LPO: variants seen among roughly 807,000 people sequenced by gnomAD.
LPO encodes lactoperoxidase.
Under a neutral mutation model 68.4 loss-of-function variants are expected in LPO, and 70 were observed. That is an observed-to-expected ratio of 1.02 (90% confidence interval 0.84 to 1.25). LPO has a LOEUF of 1.25. Among genes scored for constraint, LPO ranks in the 50% most tolerant of loss-of-function variants. LPO has a pLI of 0.00. For missense variants in LPO, 873 were observed against 908.4 expected (o/e 0.96, Z 0.50); for synonymous variants, 360 against 357.6 (o/e 1.01, Z -0.08).
chr17:58,242,661 A>G (rs1362048213), intron 1 of LPO, among the ~76,000 whole-genome samples: 3 of 152,196 alleles, frequency 2.0e-5, no homozygotes, highest in Non-Finnish European at 4.4e-5. Context: ...ATAGCAAGCC[A>G]GGACCCCAGA....
At chr17:58,245,761 A>T (rs1249765868) in intron 3 of LPO, among the ~76,000 whole-genome samples, 1 of 152,170 alleles carries the variant, frequency 6.6e-6, no homozygotes, top group Non-Finnish European at 1.5e-5. Context: ...GGACGTGCCC[A>T]GTATTTCTGC....
At chr17:58,243,135 T>C in intron 2 of LPO, 80 bp downstream of exon 2, 1 of 1,380,336 alleles carries the variant, frequency 7.2e-7, no homozygotes, top group Admixed American at 1.7e-5. Flanking sequence ...AACAGAAATG[T>C]ATTCTCTCAC....
rs750715065 is a variant in LPO, at chr17:58,267,754, G to A, written c.1932-33G>A. 6 of 1,600,876 alleles carry A rather than the reference G, an allele frequency of 3.7e-6. No homozygotes were observed. The East Asian group carries it at 8.9e-5, about 24-fold the overall frequency. Reference sequence around the variant, plus strand: ...CAGAGTGGGGAGGGGCCAGCGGCCAGACTGTGGAGTGACTCTACTTCTGTC... The same window carrying A: ...CAGAGTGGGGAGGGGCCAGCGGCCAAACTGTGGAGTGACTCTACTTCTGTC... On this transcript the variant is annotated intron_variant, in intron 12 of 12. Transcript: ENST00000262290.
chr17:58,251,598 G>T lies in LPO; in HGVS notation c.781-584G>T, dbSNP rs183543104. ...CATTTCTTCACTCAAAGAATAAATC[G>T]AGGCTATGTGCTGTGGTATAAAGAG... On this transcript the variant is annotated intron_variant, in intron 7 of 12. Transcript: ENST00000262290. 6.5e-3 allele frequency: 1,637 copies of T among 252,672 alleles called. 10 individuals are homozygous for T. The highest frequency in any genetic ancestry group is 8.9e-3 in the Non-Finnish European group (1,118 of 125,246). 15.7% of individuals were successfully genotyped at this position (252,672 alleles called of 1,614,324 possible).
At position 58,268,502 on chromosome 17, in the gene LPO, TAG is replaced by T. The variant is rs1970319956; in HGVS notation, c.*510_*511del. On this transcript the variant is annotated 3_prime_UTR_variant, in exon 13 of 13. Coordinates refer to ENST00000262290, the MANE Select transcript of LPO (RefSeq NM_006151.3). The stretch of plus-strand genomic sequence containing the variant: ...TCGGAATCACTGCCAAATAAGTAAC[TAG>T]ACGTTTACAGGCCATACATGTCTTA... 6.3e-6 allele frequency: 1 copy of T among 157,930 alleles called. No homozygotes were observed. Among genetic ancestry groups the T allele is most frequent in the Non-Finnish European group, 1.4e-5 (1 of 71,822 alleles). 9.8% of individuals were successfully genotyped at this position (157,930 alleles called of 1,614,324 possible). A position where few individuals can be genotyped will look rare whatever the true frequency, so the allele number is the denominator to read the frequency against.
At chr17:58,245,931 C>T (rs1231032947) in intron 3 of LPO, among the ~76,000 whole-genome samples, 1 of 152,230 alleles carries the variant, frequency 6.6e-6, no homozygotes, top group Admixed American at 6.5e-5. Context: ...TGTGGAGGAG[C>T]CCTTCCCTGC....
At chr17:58,252,039 G>T (rs2143910692) in intron 7 of LPO, 143 bp from the exon 8 acceptor site, 1 of 775,156 alleles carries the variant, frequency 1.3e-6, no homozygotes. Flanking sequence ...ATGTCAGCAA[G>T]AAGTGTCTGG....
rs1598019650 is a variant in LPO at position 58,244,276 on chromosome 17, TA to T, written c.164+198del. The stretch of plus-strand genomic sequence containing the variant: ...AGTAGGAGCAATAGCCCACAATTCC[TA>T]AAGTCCTCAGCCTGTACATCACCTG... On this transcript the variant is annotated intron_variant, in intron 3 of 12. Transcript: ENST00000262290. 8.3e-6 allele frequency: 5 copies of T among 603,506 alleles called. No homozygotes were observed. In the East Asian group the frequency reaches 1.4e-4, roughly 17 times the overall value. 37.4% of individuals were successfully genotyped at this position (603,506 alleles called of 1,614,324 possible).
chr17:58,266,333 G>A lies in LPO; in HGVS notation c.1693+7G>A, dbSNP rs200841520. ...CGGGACCATGGGCAACCTGGTGAGTGTCTGAAGTCTGGCCTGCACTGGGGA... is the reference window on the plus strand; with the variant it reads ...CGGGACCATGGGCAACCTGGTGAGTATCTGAAGTCTGGCCTGCACTGGGGA... On this transcript the variant is annotated splice_region_variant and intron_variant, in intron 11 of 12. Transcript: ENST00000262290. 1.7e-5 allele frequency: 28 copies of A among 1,613,560 alleles called. No homozygotes were observed. The highest frequency in any genetic ancestry group is 2.3e-5 in the Non-Finnish European group (27 of 1,179,950).
intron 9 of LPO, among the ~76,000 whole-genome samples, chr17:58,260,634 A>C (rs942223379): frequency 2.1e-4 from 32 of 152,172 alleles, no homozygotes; most frequent in Admixed American, 6.5e-5. Flanking sequence ...TTCTGCATCA[A>C]TTGATAGGAT....
chr17:58,264,753 T>C lies in LPO; in HGVS notation c.1298T>C (p.Leu433Ser), dbSNP rs772943355. ...IITFRDYLPI[L>S]LGDHMQKWIP... ...ACCTTTAGGGACTACCTACCCATTT[T>C]GCTAGGTGACCACATGCAGAAGTGG... The change falls in exon 10 of 13, where the codon TTG becomes TCG. Residue 433 changes from leucine (L) to serine (S), a missense_variant. By Grantham distance (145) the Leu-to-Ser change is moderately radical (BLOSUM62 -2). Coordinates refer to ENST00000262290, the MANE Select transcript of LPO (RefSeq NM_006151.3). 1.1e-5 allele frequency: 17 copies of C among 1,614,080 alleles called. No homozygotes were observed. In the African/African-American group the frequency reaches 1.6e-4, roughly 15 times the overall value.
intron 3 of LPO, 28 bp from the exon 4 acceptor site, chr17:58,247,450 C>A (rs1969871870): frequency 6.2e-7 from 1 of 1,604,890 alleles, no homozygotes; most frequent in Non-Finnish European, 8.5e-7. Flanking sequence ...AGGGTCCAGG[C>A]CATGATCCCC....
chr17:58,251,073 G>A (rs1293446547), intron 7 of LPO: 2 of 171,980 alleles, frequency 1.2e-5, no homozygotes, highest in South Asian at 1.3e-4. Context: ...GAGGTCAAGA[G>A]TTTGAGACCA....
chr17:58,246,067 C>G (rs575837244), intron 3 of LPO, among the ~76,000 whole-genome samples: 1 of 152,164 alleles, frequency 6.6e-6, no homozygotes, highest in Non-Finnish European at 1.5e-5. Flanking sequence ...AGGAAATAAA[C>G]AGGGCAAGGG....
intron 11 of LPO, 108 bp from the exon 12 acceptor site, chr17:58,267,241 G>A: frequency 1.3e-6 from 1 of 786,128 alleles, no homozygotes; most frequent in Middle Eastern, 2.7e-4. Context: ...CCCAAAGGCT[G>A]TAAGCCCAGA....
At chr17:58,253,167 C>T (rs1969997748) in intron 8 of LPO, among the ~76,000 whole-genome samples, 1 of 151,694 alleles carries the variant, frequency 6.6e-6, no homozygotes, top group Non-Finnish European at 1.5e-5. Flanking sequence ...AGATACAGTT[C>T]TACATTGTTT....
chr17:58,268,106 T>C lies in LPO; in HGVS notation c.*112T>C. 1.8e-6 allele frequency: 2 copies of C among 1,141,132 alleles called. No homozygotes were observed. Among genetic ancestry groups the C allele is most frequent in the Non-Finnish European group, 2.5e-6 (2 of 799,094 alleles). The allele number at this position is 1,141,132 out of a possible 1,614,324, so 70.7% of individuals were successfully genotyped here. On this transcript the variant is annotated 3_prime_UTR_variant, in exon 13 of 13. Transcript: ENST00000262290. ...CCCAGTCCCAGCCCTTCTTTGCAGC[T>C]GGGCCTCTCTATACCCCTGGATGAA...
intron 9 of LPO, among the ~76,000 whole-genome samples, chr17:58,260,580 A>G (rs1414303981): frequency 6.6e-6 from 1 of 152,232 alleles, no homozygotes; most frequent in Non-Finnish European, 1.5e-5. Flanking sequence ...TAGTGTAATG[A>G]GAGTTTTTAT....
chr17:58,240,766 C>T (rs1969739499), intron 1 of LPO, among the ~76,000 whole-genome samples: 1 of 152,190 alleles, frequency 6.6e-6, no homozygotes. Flanking sequence ...TTGTCTTCCT[C>T]AGGCTGTCTC....
Sources: gnomAD v4.1 joint callset for allele counts (sites outside exome capture counted in the v4.1 genomes callset) on GRCh38, gnomAD v4.1.1 for gene constraint, MANE v1.5 for transcripts, NCBI Gene and HGNC (gene_info 2026-07-23, HGNC 2026-07-21) for gene names.